Variants in PRKN observed in about 807,000 individuals in gnomAD.
PRKN encodes the protein E3 ubiquitin-protein ligase parkin.
PRKN carries 56 observed loss-of-function variants against 59.5 expected under a neutral mutation model. The ratio of observed to expected loss-of-function variants is 0.94; its 90% confidence interval spans 0.76 to 1.18. The LOEUF is 1.18. Among genes scored for constraint, PRKN ranks in the 50% most tolerant of loss-of-function variants. The probability of loss-of-function intolerance (pLI) is 0.00; values close to 1 mark genes in which losing one functional copy is unlikely to be tolerated. For missense variants in PRKN, 657 were observed against 596.4 expected (o/e 1.10, Z -1.06); for synonymous variants, 250 against 222.1 (o/e 1.13, Z -1.12).
intron 3 of PRKN, among the ~76,000 whole-genome samples, chr6:162,252,231 A>G (rs904151908): frequency 8.5e-5 from 13 of 152,234 alleles, no homozygotes; most frequent in Admixed American, 6.5e-4. Flanking sequence ...CTGTGATTCA[A>G]ACATGGTAGC....
chr6:162,087,060 G>A (rs575806073), intron 4 of PRKN, among the ~76,000 whole-genome samples: 16 of 152,284 alleles, frequency 1.1e-4, no homozygotes, highest in Admixed American at 1.0e-3. Flanking sequence ...ACTTCATTTA[G>A]GGACCTCATT....
intron 1 of PRKN, among the ~76,000 whole-genome samples, chr6:162,610,917 T>G (rs940532275): frequency 2.0e-5 from 3 of 152,178 alleles, no homozygotes; most frequent in Admixed American, 6.6e-5. Flanking sequence ...TAGAATAAAG[T>G]TGTAACAATA....
chr6:161,849,681 G>A (rs746977226), intron 6 of PRKN, among the ~76,000 whole-genome samples: 2 of 152,070 alleles, frequency 1.3e-5, no homozygotes, highest in East Asian at 1.9e-4. Context: ...CTCTTCAGTC[G>A]TCTGCTGTAT....
chr6:161,364,398 C>T (rs528417820), intron 10 of PRKN, among the ~76,000 whole-genome samples: 154 of 133,620 alleles, frequency 1.2e-3, no homozygotes, highest in Non-Finnish European at 3.2e-4. Flanking sequence ...GCGGAGGTTG[C>T]AGTGAGCCGA....
intron 4 of PRKN, among the ~76,000 whole-genome samples, chr6:162,190,353 C>T (rs1238790558): frequency 6.6e-6 from 1 of 152,204 alleles, no homozygotes; most frequent in Non-Finnish European, 1.5e-5. Flanking sequence ...TTAATCCCCA[C>T]TTTAGAAAAC....
At chr6:161,837,512 G>T (rs1404988659) in intron 6 of PRKN, among the ~76,000 whole-genome samples, 1 of 151,728 alleles carries the variant, frequency 6.6e-6, no homozygotes, top group Non-Finnish European at 1.5e-5. Context: ...TTAGCATTGG[G>T]CTGCTCTAGG....
intron 1 of PRKN, among the ~76,000 whole-genome samples, chr6:162,593,944 T>C (rs1445311236): frequency 3.9e-5 from 6 of 152,000 alleles, no homozygotes; most frequent in African/African-American, 1.4e-4. Context: ...AGGTCAGGAG[T>C]TCGAGCCCAG....
chr6:162,115,352 G>C (rs1370883295), intron 4 of PRKN, among the ~76,000 whole-genome samples: 198 of 151,610 alleles, frequency 1.3e-3, no homozygotes, highest in African/African-American at 4.6e-3. Context: ...TTGTGGGGTG[G>C]GGGGAGGCGG....
intron 7 of PRKN, among the ~76,000 whole-genome samples, chr6:161,765,118 C>T (rs1789367729): frequency 1.3e-5 from 2 of 152,130 alleles, no homozygotes; most frequent in Non-Finnish European, 2.9e-5. Flanking sequence ...CAGTATATTC[C>T]TGTTAAGTGT....
chr6:162,237,445 T>C lies in PRKN; in HGVS notation c.412+25080A>G, dbSNP rs574841487. 1.3e-3 allele frequency among the ~76,000 whole-genome samples: 196 copies of C among 152,332 alleles called. 1 individual carries two copies. The highest frequency in any genetic ancestry group is 4.3e-3 in the African/African-American group (179 of 41,580). On this transcript the variant is annotated intron_variant, in intron 3 of 11. Transcript: ENST00000366898. ...ATATTATTGAAAGTTTCTTTGTTCATGTTATCTCCAGTGGTCTGTTAAATG... is the reference window on the plus strand; with the variant it reads ...ATATTATTGAAAGTTTCTTTGTTCACGTTATCTCCAGTGGTCTGTTAAATG...
chr6:161,860,261 T>C (rs904791686), intron 6 of PRKN, among the ~76,000 whole-genome samples: 4 of 152,234 alleles, frequency 2.6e-5, no homozygotes, highest in Admixed American at 1.3e-4. Context: ...CTGATACTTG[T>C]TGAGTGTCTC....
chr6:161,807,861 C>T (rs892655751), intron 6 of PRKN, among the ~76,000 whole-genome samples: 2 of 152,214 alleles, frequency 1.3e-5, no homozygotes, highest in Non-Finnish European at 2.9e-5. Flanking sequence ...TAAACTGCCA[C>T]TCACAGGTAC....
At chr6:161,982,013 T>C (rs1042514778) in intron 5 of PRKN, among the ~76,000 whole-genome samples, 2 of 152,180 alleles carry the variant, frequency 1.3e-5, no homozygotes, top group Middle Eastern at 3.2e-3. Flanking sequence ...TTATGGTACA[T>C]GTCTTCAAGA....
chr6:161,726,365 T>C (rs970031296), intron 7 of PRKN, among the ~76,000 whole-genome samples: 1 of 152,176 alleles, frequency 6.6e-6, no homozygotes, highest in Non-Finnish European at 1.5e-5. Flanking sequence ...GATCATTCAG[T>C]TGTTGCACGT....
intron 6 of PRKN, among the ~76,000 whole-genome samples, chr6:161,899,998 T>C (rs1777823832): frequency 6.6e-6 from 1 of 151,994 alleles, no homozygotes; most frequent in East Asian, 1.9e-4. Flanking sequence ...TAATCCCAGC[T>C]ACTCGGGAGG....
At chr6:161,889,246 A>G (rs1583303567) in intron 6 of PRKN, among the ~76,000 whole-genome samples, 1 of 132,004 alleles carries the variant, frequency 7.6e-6, no homozygotes, top group African/African-American at 3.1e-5. Context: ...AGAATGGACA[A>G]AACAACTCAA....
intron 4 of PRKN, among the ~76,000 whole-genome samples, chr6:162,118,337 T>C (rs971973551): frequency 1.1e-4 from 16 of 150,496 alleles, no homozygotes; most frequent in African/African-American, 3.9e-4. Context: ...AGCCGGGAGG[T>C]GGAGCTTGCA....
At position 162,075,546 on chromosome 6, in the gene PRKN, T is replaced by C. The variant is rs914796285; in HGVS notation, c.535-21372A>G. 9.9e-5 allele frequency among the ~76,000 whole-genome samples: 15 copies of C among 152,040 alleles called. 1 individual carries two copies. The highest frequency in any genetic ancestry group is 3.6e-4 in the African/African-American group (15 of 41,330). On this transcript the variant is annotated intron_variant, in intron 4 of 11. Coordinates refer to ENST00000366898, the MANE Select transcript of PRKN (RefSeq NM_004562.3). The stretch of plus-strand genomic sequence containing the variant: ...AAAAAGTCCACATTGTATTTAATTT[T>C]CTATTGCTTCTATATAATGTACTGC...
chr6:161,565,476 G>T (rs1780607113), intron 8 of PRKN, among the ~76,000 whole-genome samples: 1 of 152,140 alleles, frequency 6.6e-6, no homozygotes, highest in African/African-American at 2.4e-5. Flanking sequence ...ATTGGATCAT[G>T]GGGATGATTC....
Sources: allele counts gnomAD v4.1 joint callset (sites outside exome capture counted in the v4.1 genomes callset), GRCh38; gene constraint gnomAD v4.1.1; transcripts MANE v1.5; gene names NCBI Gene and HGNC (gene_info 2026-07-23, HGNC 2026-07-21).